ADAM17: variants seen among roughly 807,000 people sequenced by gnomAD.
ADAM17 encodes disintegrin and metalloproteinase domain-containing protein 17.
In ADAM17, 39 loss-of-function variants were observed where a neutral mutation model predicts 96.7. The observed-to-expected ratio is 0.40, with a 90% confidence interval of 0.31 to 0.53. The LOEUF (loss-of-function observed/expected upper bound fraction) is 0.53, where lower values mean the gene tolerates loss of function less well. ADAM17 is among the 20% of genes least tolerant of loss of function. The pLI is 0.44. For missense variants in ADAM17, 777 were observed against 1,013.2 expected, an observed-to-expected ratio of 0.77 and a Z score of 3.17; for synonymous variants, 344 against 359.2, an observed-to-expected ratio of 0.96 and a Z score of 0.48.
intron 2 of ADAM17, among the ~76,000 whole-genome samples, chr2:9,541,664 T>C (rs958146834): frequency 6.6e-6 from 1 of 152,262 alleles, no homozygotes; most frequent in Non-Finnish European, 1.5e-5. Flanking sequence ...AAACTTTGCA[T>C]ATCCTCCATG....
intron 10 of ADAM17, among the ~76,000 whole-genome samples, chr2:9,516,883 T>G (rs1183079247): frequency 1.3e-5 from 2 of 152,220 alleles, no homozygotes; most frequent in Admixed American, 6.5e-5. Context: ...TATACTCAGC[T>G]AAAATAGCCA....
intron 10 of ADAM17, among the ~76,000 whole-genome samples, chr2:9,515,512 G>A (rs1346749632): frequency 3.3e-5 from 5 of 151,872 alleles, no homozygotes; most frequent in Non-Finnish European, 4.4e-5. Context: ...TGAAGCAGGC[G>A]GATCACCTGA....
At chr2:9,510,659 G>A (rs966524250) in intron 10 of ADAM17, among the ~76,000 whole-genome samples, 2 of 139,830 alleles carry the variant, frequency 1.4e-5, no homozygotes, top group Non-Finnish European at 3.0e-5. Context: ...GCGAGACTTC[G>A]TCTCAAAAAA....
chr2:9,554,600 C>T (rs1000557772), intron 1 of ADAM17, among the ~76,000 whole-genome samples: 3 of 152,194 alleles, frequency 2.0e-5, no homozygotes, highest in Admixed American at 6.5e-5. Context: ...CAATTTCACA[C>T]ACTGGGAAAA....
chr2:9,505,894 G>A (rs942923564), intron 11 of ADAM17, among the ~76,000 whole-genome samples: 1 of 152,082 alleles, frequency 6.6e-6, no homozygotes, highest in Non-Finnish European at 1.5e-5. Flanking sequence ...TTAGTAATAG[G>A]CATAATAGTA....
intron 11 of ADAM17, 95 bp from the exon 12 acceptor site, chr2:9,505,460 G>T: frequency 7.7e-7 from 1 of 1,306,596 alleles, no homozygotes; most frequent in Non-Finnish European, 1.1e-6. Context: ...AACTCTTAAT[G>T]TAAAACCACC....
chr2:9,504,426 A>G (rs1476255724), intron 12 of ADAM17, among the ~76,000 whole-genome samples: 1 of 151,878 alleles, frequency 6.6e-6, no homozygotes, highest in Non-Finnish European at 1.5e-5. Context: ...GCCTGGCAAC[A>G]GAGCGAGACG....
At chr2:9,526,390 T>G in intron 5 of ADAM17, 146 bp from the exon 6 acceptor site, 1 of 847,626 alleles carries the variant, frequency 1.2e-6, no homozygotes, top group Non-Finnish European at 1.7e-6. Flanking sequence ...CAAAAAATAA[T>G]TTGGAGGAAG....
chr2:9,523,784 T>A (rs1664408139), intron 6 of ADAM17, among the ~76,000 whole-genome samples: 1 of 152,158 alleles, frequency 6.6e-6, no homozygotes, highest in African/African-American at 2.4e-5. Flanking sequence ...CAACTCTTCC[T>A]CTTCCTCCTC....
intron 11 of ADAM17, among the ~76,000 whole-genome samples, chr2:9,509,310 C>A (rs1321130682): frequency 6.6e-6 from 1 of 152,236 alleles, no homozygotes. Flanking sequence ...TTTATTAACA[C>A]AACTTTTAGT....
At chr2:9,525,986 A>T (rs780050071) in intron 6 of ADAM17, 125 bp downstream of exon 6, 20 of 1,002,712 alleles carry the variant, frequency 2.0e-5, no homozygotes, top group Non-Finnish European at 2.7e-5. Flanking sequence ...AACCTCAGAG[A>T]ATATCCCTCA....
Position 9,490,081 on chromosome 2 carries a change from C to T in ADAM17, c.*96G>A. 8.3e-7 allele frequency: 1 copy of T among 1,200,510 alleles called. No homozygotes were observed. The highest frequency in any genetic ancestry group is 1.1e-6 in the Non-Finnish European group (1 of 870,664). The allele number at this position is 1,200,510 out of a possible 1,614,324, so 74.4% of individuals were successfully genotyped here. On this transcript the variant is annotated 3_prime_UTR_variant, in exon 19 of 19. Coordinates refer to ENST00000310823, the MANE Select transcript of ADAM17 (RefSeq NM_003183.6). ...CACATGACCAGCATCTGCTAAGTCA[C>T]TTCCCAGTCTTCACAAAATACAAGC... is the stretch of plus-strand genomic sequence containing the variant.
chr2:9,555,277 C>G (rs1665704742), intron 1 of ADAM17, among the ~76,000 whole-genome samples: 1 of 152,214 alleles, frequency 6.6e-6, no homozygotes, highest in South Asian at 2.1e-4. Flanking sequence ...CTCAGGCGCT[C>G]AGTCACTACA....
At chr2:9,501,105 C>G (rs1323807777) in intron 13 of ADAM17, among the ~76,000 whole-genome samples, 1 of 152,068 alleles carries the variant, frequency 6.6e-6, no homozygotes, top group African/African-American at 2.4e-5. Context: ...CCTCCAAATT[C>G]ACAGTAGTGA....
chr2:9,555,685 G>A lies in ADAM17; in HGVS notation c.-80C>T. The A allele has an allele frequency of 8.9e-6, 11 of 1,233,044 alleles. No homozygotes were observed. The highest frequency in any genetic ancestry group is 1.5e-5 in the African/African-American group (1 of 65,710). 76.4% of individuals were successfully genotyped at this position (1,233,044 alleles called of 1,614,324 possible). A position where few individuals can be genotyped will look rare whatever the true frequency, so the allele number is the denominator to read the frequency against. ...TTTCGGAAAACTGCTCACATCGGGG[G>A]AGGACGGGATCCGCCCGGCCTAGCC... is the stretch of plus-strand genomic sequence containing the variant. On this transcript the variant is annotated 5_prime_UTR_variant, in exon 1 of 19. Coordinates refer to ENST00000310823, the MANE Select transcript of ADAM17 (RefSeq NM_003183.6).
chr2:9,526,061 A>C (rs1163466051), intron 6 of ADAM17, 50 bp downstream of exon 6: 9 of 1,501,348 alleles, frequency 6.0e-6, no homozygotes, highest in Non-Finnish European at 8.2e-6. Flanking sequence ...CATGGAATGT[A>C]CCCACCCAAA....
At chr2:9,526,531 C>G (rs1664537652) in intron 5 of ADAM17, among the ~76,000 whole-genome samples, 1 of 152,180 alleles carries the variant, frequency 6.6e-6, no homozygotes, top group Non-Finnish European at 1.5e-5. Context: ...CATGTTGGCT[C>G]AGGCCTGTAA....
intron 17 of ADAM17, 72 bp downstream of exon 17, chr2:9,492,826 C>A: frequency 7.5e-7 from 1 of 1,334,954 alleles, no homozygotes; most frequent in Non-Finnish European, 1.0e-6. Context: ...TTTACCTTTT[C>A]CAGAGATTAC....
intron 13 of ADAM17, among the ~76,000 whole-genome samples, chr2:9,498,527 G>A (rs1000740160): frequency 2.0e-5 from 3 of 152,204 alleles, no homozygotes; most frequent in African/African-American, 7.2e-5. Context: ...GAAGAATGAA[G>A]CCAATCAAAA....
Sources: gnomAD v4.1 joint callset for allele counts (sites outside exome capture counted in the v4.1 genomes callset) on GRCh38, gnomAD v4.1.1 for gene constraint, MANE v1.5 for transcripts, NCBI Gene and HGNC (gene_info 2026-07-23, HGNC 2026-07-21) for gene names.